The following GNAQ variants were observed in gnomAD, a reference collection of about 807,000 sequenced individuals.
GNAQ encodes the protein guanine nucleotide-binding protein G(q) subunit alpha.
In GNAQ, 8 loss-of-function variants were observed where a neutral mutation model predicts 43.9. That is an observed-to-expected ratio of 0.18 (90% CI 0.11 to 0.33). The LOEUF is 0.33. Among genes scored for constraint, GNAQ ranks in the 10% least tolerant of loss-of-function variants. GNAQ has a pLI of 1.00. For missense variants in GNAQ, 158 were observed against 450.8 expected (o/e 0.35, Z 5.88); for synonymous variants, 155 against 170.7 (o/e 0.91, Z 0.71).
intron 4 of GNAQ, 116 bp downstream of exon 4, chr9:77,797,404 T>C: frequency 2.7e-6 from 2 of 742,198 alleles, no homozygotes; most frequent in South Asian, 1.6e-5. Context: ...TGATAATAAT[T>C]GGTATAAAGC....
chr9:78,020,463 T>C (rs369667355), intron 1 of GNAQ, among the ~76,000 whole-genome samples: 1 of 152,148 alleles, frequency 6.6e-6, no homozygotes, highest in Admixed American at 6.5e-5. Context: ...AATGAGTACA[T>C]GCAACACAAA....
intron 3 of GNAQ, among the ~76,000 whole-genome samples, chr9:77,811,771 G>T (rs1307501762): frequency 6.6e-6 from 1 of 152,182 alleles, no homozygotes. Context: ...ATTAAGGCAA[G>T]CCAGGCAGGC....
intron 2 of GNAQ, among the ~76,000 whole-genome samples, chr9:77,917,530 A>C (rs1828930039): frequency 6.6e-6 from 1 of 151,760 alleles, no homozygotes; most frequent in Admixed American, 6.6e-5. Context: ...TAAAATAATA[A>C]ACTTAAAAAA....
At chr9:77,763,116 AC>A (rs1424861411) in intron 5 of GNAQ, among the ~76,000 whole-genome samples, 3 of 139,248 alleles carry the variant, frequency 2.2e-5, no homozygotes, top group South Asian at 2.4e-4. Context: ...TTAAAAAAAA[AC>A]AAAAAAATAA....
At chr9:77,957,576 G>GT (rs1449627988) in intron 1 of GNAQ, among the ~76,000 whole-genome samples, 16 of 152,044 alleles carry the variant, frequency 1.1e-4, no homozygotes, top group Non-Finnish European at 2.4e-4. Context: ...GAATTTGCTT[G>GT]TTTTTTCCAA....
chr9:77,888,160 G>A (rs1261826079), intron 2 of GNAQ, among the ~76,000 whole-genome samples: 1 of 152,094 alleles, frequency 6.6e-6, no homozygotes, highest in Non-Finnish European at 1.5e-5. Flanking sequence ...TGTTTTGATG[G>A]GGTCCCAATT....
chr9:77,803,110 T>C lies in GNAQ; in HGVS notation c.477-5462A>G, dbSNP rs182073002. ...ATGGACCCAAATTAAAACTATTTTA[T>C]GGGAAGTGCTGTAGTGGTTAGAAAG... On this transcript the variant is annotated intron_variant, in intron 3 of 6. Coordinates refer to ENST00000286548, the MANE Select transcript of GNAQ (RefSeq NM_002072.5). Among the ~76,000 whole-genome samples, 232 of 152,192 alleles carry C rather than the reference T, an allele frequency of 1.5e-3. 5 individuals are homozygous for C. Among genetic ancestry groups the C allele is most frequent in the Admixed American group, 0.015 (228 of 15,276 alleles).
chr9:77,723,223 A>T (rs78960202), intron 6 of GNAQ, among the ~76,000 whole-genome samples: 1 of 152,232 alleles, frequency 6.6e-6, no homozygotes, highest in African/African-American at 2.4e-5. Flanking sequence ...CACATCTACT[A>T]GCATGGCTAT....
Position 77,887,148 on chromosome 9 carries a change from A to G in GNAQ, c.321+35013T>C, listed in dbSNP as rs190617591. Among the ~76,000 whole-genome samples the G allele has an allele frequency of 2.9e-4, 44 of 152,150 alleles. 1 individual carries two copies. The highest frequency in any genetic ancestry group is 2.6e-3 in the Admixed American group (40 of 15,278). On this transcript the variant is annotated intron_variant, in intron 2 of 6. Transcript: ENST00000286548. ...AAAATAAAATAAAGTAAAATAAAAT[A>G]AAGTAAAATAAAATAAAATATGCAG...
chr9:77,770,545 T>C (rs1489064509), intron 5 of GNAQ, among the ~76,000 whole-genome samples: 1 of 152,250 alleles, frequency 6.6e-6, no homozygotes, highest in Non-Finnish European at 1.5e-5. Context: ...CTCGTTACTG[T>C]CTTTCCCTTC....
Position 78,005,119 on chromosome 9 carries a change from A to G in GNAQ, c.136+25981T>C, listed in dbSNP as rs138023413. The stretch of plus-strand genomic sequence containing the variant: ...CAGGCTGGAGTGCAGTGGGGCAATC[A>G]TGACTCACTGCAGCCCTCACCTCAC... On this transcript the variant is annotated intron_variant, in intron 1 of 6. Coordinates refer to ENST00000286548, the MANE Select transcript of GNAQ (RefSeq NM_002072.5). Among the ~76,000 whole-genome samples the G allele has an allele frequency of 1.9e-3, 296 of 152,234 alleles. 3 individuals carry two copies. In the East Asian group the frequency reaches 0.02, roughly 10 times the overall value.
At chr9:77,910,906 T>C (rs1307978299) in intron 2 of GNAQ, among the ~76,000 whole-genome samples, 2 of 152,220 alleles carry the variant, frequency 1.3e-5, no homozygotes, top group Non-Finnish European at 2.9e-5. Flanking sequence ...AACCAAGTTG[T>C]GTATGACTCC....
intron 2 of GNAQ, among the ~76,000 whole-genome samples, chr9:77,898,249 A>G (rs1828534759): frequency 6.6e-6 from 1 of 152,212 alleles, no homozygotes; most frequent in Non-Finnish European, 1.5e-5. Flanking sequence ...CCAGCTTGCC[A>G]TCATCCCTCT....
intron 6 of GNAQ, among the ~76,000 whole-genome samples, chr9:77,723,296 T>C (rs572899399): frequency 1.3e-5 from 2 of 152,338 alleles, no homozygotes; most frequent in Non-Finnish European, 1.5e-5. Flanking sequence ...GTTGGGAATG[T>C]ACAAAGGTGC....
chr9:77,879,135 C>A (rs1165162404), intron 2 of GNAQ, among the ~76,000 whole-genome samples: 1 of 151,934 alleles, frequency 6.6e-6, no homozygotes, highest in Non-Finnish European at 1.5e-5. Context: ...GAACTAAGAG[C>A]ATCTGAAAAA....
rs1825251508 is a variant in GNAQ, at chr9:77,718,014, C to T, written c.*3309G>A. ...ACTTCCAATTTACAAATAAGGAATT[C>T]TCTGGGGGTTAGAACTGCCATGTCA... On this transcript the variant is annotated 3_prime_UTR_variant, in exon 7 of 7. Coordinates refer to ENST00000286548, the MANE Select transcript of GNAQ (RefSeq NM_002072.5). The T allele has an allele frequency of 4.3e-6, 1 of 232,744 alleles. No individual in the cohort carries two copies. The highest frequency in any genetic ancestry group is 1.8e-4 in the South Asian group (1 of 5,524). The allele number at this position is 232,744 out of a possible 1,614,324, so 14.4% of individuals were successfully genotyped here.
intron 1 of GNAQ, among the ~76,000 whole-genome samples, chr9:77,979,793 GT>G (rs1329927320): frequency 9.8e-5 from 15 of 152,292 alleles, no homozygotes; most frequent in African/African-American, 3.1e-4. Flanking sequence ...AGCATGTTCA[GT>G]TTTTCTTTGT....
chr9:77,991,545 T>C (rs892790239), intron 1 of GNAQ, among the ~76,000 whole-genome samples: 2 of 152,200 alleles, frequency 1.3e-5, no homozygotes, highest in Non-Finnish European at 2.9e-5. Flanking sequence ...CTCCTTTCAG[T>C]ATTCCCCTCC....
chr9:77,853,378 G>A (rs761788229), intron 2 of GNAQ, among the ~76,000 whole-genome samples: 1 of 151,996 alleles, frequency 6.6e-6, no homozygotes, highest in Non-Finnish European at 1.5e-5. Flanking sequence ...GTAGTAACAG[G>A]GCCTAGTACA....
Sources: gnomAD v4.1 joint callset for allele counts (sites outside exome capture counted in the v4.1 genomes callset) on GRCh38, gnomAD v4.1.1 for gene constraint, MANE v1.5 for transcripts, NCBI Gene and HGNC (gene_info 2026-07-23, HGNC 2026-07-21) for gene names.